The following PSMA1 variants were observed in gnomAD, a reference collection of about 807,000 sequenced individuals.
PSMA1 encodes the protein proteasome 20S subunit alpha 1.
Under a neutral mutation model 38.4 loss-of-function variants are expected in PSMA1, and 3 were observed. That is an observed-to-expected ratio of 0.08 (90% CI 0.04 to 0.20). PSMA1 has a LOEUF of 0.20. Among genes scored for constraint, PSMA1 ranks in the 10% least tolerant of loss-of-function variants. PSMA1 has a pLI of 1.00. For synonymous variants in PSMA1, 101 were observed against 107.1 expected, an observed-to-expected ratio of 0.94 and a Z score of 0.35; for missense variants, 227 against 325.3, an observed-to-expected ratio of 0.70 and a Z score of 2.32.
chr11:14,569,573 G>T (rs537738998), intron 2 of PSMA1, among the ~76,000 whole-genome samples: 2 of 152,186 alleles, frequency 1.3e-5, no homozygotes, highest in South Asian at 4.1e-4. Context: ...CCCACGCCTG[G>T]CTCAGGGGGT....
At chr11:14,510,216 C>G (rs1437846790) in intron 8 of PSMA1, among the ~76,000 whole-genome samples, 1 of 152,184 alleles carries the variant, frequency 6.6e-6, no homozygotes, top group Non-Finnish European at 1.5e-5. Flanking sequence ...CTCAACACTA[C>G]TGGCCTCCTT....
At chr11:14,638,545 CTATATATATATATATATATATA>C (rs1243564648) in intron 1 of PSMA1, among the ~76,000 whole-genome samples, 6 of 15,960 alleles carry the variant, frequency 3.8e-4, no homozygotes, top group African/African-American at 1.4e-3. Flanking sequence ...CTCTCTCTCT[CTATATATATATATATATATATA>C]TATATATATA....
intron 1 of PSMA1, among the ~76,000 whole-genome samples, chr11:14,614,221 A>G (rs1054128059): frequency 2.6e-5 from 4 of 152,156 alleles, no homozygotes; most frequent in African/African-American, 9.7e-5. Context: ...CTACCATGCA[A>G]TTCTGAGTTA....
chr11:14,610,261 A>G (rs1294667628), intron 2 of PSMA1, among the ~76,000 whole-genome samples: 2 of 152,142 alleles, frequency 1.3e-5, no homozygotes, highest in Non-Finnish European at 2.9e-5. Flanking sequence ...CCTTTATAAC[A>G]TATTCAAATC....
At chr11:14,552,267 AC>A (rs1851894394) in intron 2 of PSMA1, among the ~76,000 whole-genome samples, 1 of 152,104 alleles carries the variant, frequency 6.6e-6, no homozygotes, top group Non-Finnish European at 1.5e-5. Flanking sequence ...CACAGTCTCT[AC>A]TCCTGAGAGT....
intron 2 of PSMA1, among the ~76,000 whole-genome samples, chr11:14,603,238 A>G (rs1246988413): frequency 6.6e-6 from 1 of 152,232 alleles, no homozygotes; most frequent in African/African-American, 2.4e-5. Context: ...CCAGGTAGGT[A>G]AAGAGAGATG....
intron 2 of PSMA1, among the ~76,000 whole-genome samples, chr11:14,594,282 A>G (rs1482135865): frequency 3.3e-5 from 5 of 152,202 alleles, no homozygotes; most frequent in African/African-American, 1.2e-4. Context: ...AACCCCTCAT[A>G]TCCCCTCCAT....
At chr11:14,560,305 C>T (rs904044222) in intron 2 of PSMA1, among the ~76,000 whole-genome samples, 2 of 152,126 alleles carry the variant, frequency 1.3e-5, no homozygotes, top group Non-Finnish European at 2.9e-5. Context: ...GGTAAACTTA[C>T]AAGCAGAAAG....
At chr11:14,596,311 T>C (rs535029856) in intron 2 of PSMA1, among the ~76,000 whole-genome samples, 1 of 152,338 alleles carries the variant, frequency 6.6e-6, no homozygotes, top group Admixed American at 6.5e-5. Flanking sequence ...GGAGATGGCA[T>C]TGAATCTATA....
chr11:14,615,964 CT>C (rs2134200944), intron 1 of PSMA1, among the ~76,000 whole-genome samples: 1 of 152,238 alleles, frequency 6.6e-6, no homozygotes, highest in Non-Finnish European at 1.5e-5. Flanking sequence ...TGCAGATAAC[CT>C]GAGGGACATG....
At chr11:14,560,822 G>A (rs1773144509) in intron 2 of PSMA1, among the ~76,000 whole-genome samples, 1 of 152,084 alleles carries the variant, frequency 6.6e-6, no homozygotes, top group Non-Finnish European at 1.5e-5. Context: ...TGCAGAAGGC[G>A]ATTTCATTAC....
intron 2 of PSMA1, among the ~76,000 whole-genome samples, chr11:14,551,328 G>T (rs909901719): frequency 6.6e-6 from 1 of 152,136 alleles, no homozygotes; most frequent in African/African-American, 2.4e-5. Flanking sequence ...ATGGCTTTCA[G>T]AGTTCAAATT....
Position 14,556,966 on chromosome 11 carries a change from G to T in PSMA1, c.22-37925C>A, listed in dbSNP as rs765253455. 4.3e-4 allele frequency among the ~76,000 whole-genome samples: 65 copies of T among 152,148 alleles called. 2 individuals are homozygous for T. Among genetic ancestry groups the T allele is most frequent in the Non-Finnish European group, 4.4e-4 (30 of 68,032 alleles). On this transcript the variant is annotated intron_variant, in intron 2 of 10. Coordinates refer to the PSMA1 transcript ENST00000418988. ...TCCTTCCACATCAGCCTTCCAAGCA[G>T]TGGGAACTACAGGTGCATACCCAGC...
chr11:14,552,321 C>G (rs887010958), intron 2 of PSMA1, among the ~76,000 whole-genome samples: 2 of 152,102 alleles, frequency 1.3e-5, no homozygotes, highest in African/African-American at 4.8e-5. Flanking sequence ...AGTAACCAGA[C>G]CAACAGTGCC....
chr11:14,520,519 A>G (rs192730027), upstream of PSMA1: 514 of 1,412,622 alleles, frequency 3.6e-4, 1 homozygote, highest in African/African-American at 7.0e-3. Flanking sequence ...CGGAAGATCT[A>G]GGAACTGAGA....
At chr11:14,516,797 G>T (rs1221672401) in intron 4 of PSMA1, among the ~76,000 whole-genome samples, 1 of 151,970 alleles carries the variant, frequency 6.6e-6, no homozygotes, top group Admixed American at 6.6e-5. Flanking sequence ...GTGGTGGCGG[G>T]TGCCTGTAAT....
chr11:14,633,924 T>G (rs1853074828), intron 1 of PSMA1, among the ~76,000 whole-genome samples: 1 of 152,104 alleles, frequency 6.6e-6, no homozygotes, highest in Non-Finnish European at 1.5e-5. Context: ...GTCACCCCTT[T>G]CTTTGACTCA....
intron 2 of PSMA1, among the ~76,000 whole-genome samples, chr11:14,553,727 A>G (rs1235117087): frequency 6.6e-6 from 1 of 152,190 alleles, no homozygotes; most frequent in East Asian, 1.9e-4. Context: ...CACCCATTGA[A>G]GGACATTTGG....
At chr11:14,514,124 G>A in intron 5 of PSMA1, 1 of 1,320,114 alleles carries the variant, frequency 7.6e-7, no homozygotes, top group South Asian at 2.4e-5. Context: ...GATTTGTTTT[G>A]GATACAAGGG....
Sources: gnomAD v4.1 joint callset for allele counts (sites outside exome capture counted in the v4.1 genomes callset) on GRCh38, gnomAD v4.1.1 for gene constraint, MANE v1.5 for transcripts, NCBI Gene and HGNC (gene_info 2026-07-23, HGNC 2026-07-21) for gene names.